The following RAB31 variants were observed in gnomAD, a reference collection of about 807,000 sequenced individuals.
RAB31 encodes RAB31, member RAS oncogene family, also known as ras-related protein Rab-31.
A neutral mutation model predicts 25.6 loss-of-function variants in RAB31; 21 were observed. The observed-to-expected ratio is 0.82, with a 90% CI of 0.58 to 1.18. The LOEUF (loss-of-function observed/expected upper bound fraction) is 1.18, where lower values mean the gene tolerates loss of function less well. RAB31 is among the 50% of genes most tolerant of loss of function. RAB31 has a pLI of 0.00. For synonymous variants in RAB31, 87 were observed against 84.0 expected (o/e 1.04, Z -0.20); for missense variants, 196 against 250.1 (o/e 0.78, Z 1.46).
chr18:9,785,612 C>G (rs2068427770), intron 2 of RAB31, among the ~76,000 whole-genome samples: 1 of 152,170 alleles, frequency 6.6e-6, no homozygotes, highest in African/African-American at 2.4e-5. Flanking sequence ...AGGCAGGACT[C>G]TAATCTGATC....
intron 3 of RAB31, among the ~76,000 whole-genome samples, 151 bp downstream of exon 3, chr18:9,792,386 C>T (rs1042602677): frequency 2.0e-5 from 3 of 152,162 alleles, no homozygotes; most frequent in African/African-American, 7.2e-5. Context: ...TACTCATTAG[C>T]TATGTGAAAA....
At chr18:9,745,224 G>A (rs1599021495) in intron 1 of RAB31, among the ~76,000 whole-genome samples, 1 of 152,162 alleles carries the variant, frequency 6.6e-6, no homozygotes, top group African/African-American at 2.4e-5. Context: ...CAAATTCCTA[G>A]ACACACAAAA....
rs72955254 is a variant in RAB31 at position 9,772,607 on chromosome 18, A to T, written c.40-2671A>T. 4.5e-3 allele frequency among the ~76,000 whole-genome samples: 686 copies of T among 152,354 alleles called. 6 individuals are homozygous for T. Among genetic ancestry groups the T allele is most frequent in the Non-Finnish European group, 8.2e-3 (560 of 68,028 alleles). On this transcript the variant is annotated intron_variant, in intron 1 of 6. Transcript: ENST00000578921. The stretch of plus-strand genomic sequence containing the variant: ...GGGCGAGTGAAGAATGAGTGAATGA[A>T]CGATTGAATGGAATAGCCCTGAGAA...
chr18:9,846,160 C>G (rs2068760789), intron 6 of RAB31, among the ~76,000 whole-genome samples: 1 of 152,136 alleles, frequency 6.6e-6, no homozygotes, highest in African/African-American at 2.4e-5. Context: ...GAATTGGATA[C>G]AGGGTTGGCG....
chr18:9,747,612 G>A (rs535617379), intron 1 of RAB31, among the ~76,000 whole-genome samples: 1 of 152,274 alleles, frequency 6.6e-6, no homozygotes, highest in South Asian at 2.1e-4. Context: ...AGACACAAAA[G>A]GTCACATATT....
chr18:9,728,988 C>T (rs767612579), intron 1 of RAB31, among the ~76,000 whole-genome samples: 1 of 152,104 alleles, frequency 6.6e-6, no homozygotes, highest in Non-Finnish European at 1.5e-5. Context: ...CCCTTCACAT[C>T]GTTTACCCAT....
At chr18:9,814,735 G>A in intron 4 of RAB31, 1 of 171,426 alleles carries the variant, frequency 5.8e-6, no homozygotes, top group Non-Finnish European at 1.2e-5. Context: ...ACAATTGTGA[G>A]TGAAGGGCCA....
intron 1 of RAB31, among the ~76,000 whole-genome samples, chr18:9,751,357 A>G (rs2068234234): frequency 1.3e-5 from 2 of 152,210 alleles, no homozygotes; most frequent in African/African-American, 2.4e-5. Context: ...GAATGTAAAA[A>G]CAAACATTTT....
In RAB31 at chr18:9,815,032, A is replaced by T. The variant is rs533442862; in HGVS notation, c.274-84A>T. On this transcript the variant is annotated intron_variant, in intron 4 of 6. Coordinates refer to ENST00000578921, the MANE Select transcript of RAB31 (RefSeq NM_006868.4). ...CTCCTAAAAATATTTTTCTCCATTA[A>T]ATTGTACTGGGCTTGTATTTCTGCT... 4.9e-5 allele frequency: 49 copies of T among 998,428 alleles called. 1 individual carries two copies. The South Asian group carries it at 7.3e-4, about 15-fold the overall frequency. 61.8% of individuals were successfully genotyped at this position (998,428 alleles called of 1,614,324 possible).
rs1212535715 is a variant in RAB31 at position 9,860,366 on chromosome 18, A to G, written c.*1041A>G. The stretch of plus-strand genomic sequence containing the variant: ...ACCCCAAAAAACTACAAAATCAGAA[A>G]AAGTATTTTTATGTTTCTAGCTTGA... On this transcript the variant is annotated 3_prime_UTR_variant, in exon 7 of 7. Transcript: ENST00000578921. 6.6e-6 allele frequency: 1 copy of G among 152,196 alleles called. No individual in the cohort carries two copies. The highest frequency in any genetic ancestry group is 1.5e-5 in the Non-Finnish European group (1 of 68,034). 9.4% of individuals were successfully genotyped at this position (152,196 alleles called of 1,614,324 possible).
intron 1 of RAB31, among the ~76,000 whole-genome samples, chr18:9,719,301 ATATAT>A (rs2068061517): frequency 8.4e-5 from 2 of 23,708 alleles, no homozygotes; most frequent in African/African-American, 1.1e-4. Flanking sequence ...AAAAAAAAAT[ATATAT>A]ATATATATAT....
At chr18:9,754,024 A>C (rs111469251) in intron 1 of RAB31, among the ~76,000 whole-genome samples, 1,566 of 152,296 alleles carry the variant, frequency 0.01, 12 homozygotes, top group Middle Eastern at 0.044. Flanking sequence ...CACTGGGCAT[A>C]AGTAGTCCCA....
At chr18:9,776,192 T>A (rs756577404) in intron 2 of RAB31, among the ~76,000 whole-genome samples, 2 of 152,222 alleles carry the variant, frequency 1.3e-5, no homozygotes, top group Non-Finnish European at 2.9e-5. Context: ...AAAATTGTTT[T>A]CCTGTTCATC....
intron 1 of RAB31, among the ~76,000 whole-genome samples, chr18:9,765,881 G>T (rs959805718): frequency 2.6e-4 from 39 of 147,918 alleles, no homozygotes; most frequent in African/African-American, 8.9e-4. Context: ...CGAGACTCTT[G>T]TTGGGTATAT....
In RAB31 at chr18:9,766,354, G is replaced by T. The variant is rs2068316033; in HGVS notation, c.40-8924G>T. Among the ~76,000 whole-genome samples the T allele has an allele frequency of 6.6e-6, 1 of 152,224 alleles. No homozygotes were observed. Among genetic ancestry groups the T allele is most frequent in the African/African-American group, 2.4e-5 (1 of 41,464 alleles). On this transcript the variant is annotated intron_variant, in intron 1 of 6. Coordinates refer to ENST00000578921, the MANE Select transcript of RAB31 (RefSeq NM_006868.4). This position sits in a 1 kb window ranked among gnomAD's most constrained non-coding sequence, Gnocchi z 4.3. ...CGGAGTGGGTGAGCCAGGCAAGCGT[G>T]GCACTGCCCTCATTACTATGCACTG... is the stretch of plus-strand genomic sequence containing the variant.
chr18:9,858,649 A>T (rs2068831199), intron 6 of RAB31, among the ~76,000 whole-genome samples: 1 of 152,254 alleles, frequency 6.6e-6, no homozygotes. Flanking sequence ...ATGACATTAA[A>T]ATACTGTTTC....
chr18:9,859,437 A>G lies in RAB31; in HGVS notation c.*112A>G, dbSNP rs2068836357. 9 of 880,428 alleles carry G rather than the reference A, an allele frequency of 1.0e-5. No homozygotes were observed. The highest frequency in any genetic ancestry group is 3.4e-5 in the African/African-American group (2 of 58,558). 54.5% of individuals were successfully genotyped at this position (880,428 alleles called of 1,614,324 possible). ...ACCTCACTTTGAGAAGAGTGAGCAC[A>G]CTGGCTTTGCATCCTGGAAGACCTG... On this transcript the variant is annotated 3_prime_UTR_variant, in exon 7 of 7. Transcript: ENST00000578921.
Position 9,861,229 on chromosome 18 carries a change from G to A in RAB31, c.*1904G>A, listed in dbSNP as rs2068845959. The stretch of plus-strand genomic sequence containing the variant: ...AACCTGGGTTTATCTCTAGATAGCT[G>A]TTCAGGTTTTTTAGCTGAGGGGTAA... On this transcript the variant is annotated 3_prime_UTR_variant, in exon 7 of 7. Transcript: ENST00000578921. The A allele has an allele frequency of 6.6e-6, 1 of 151,960 alleles. No individual in the cohort carries two copies. The highest frequency in any genetic ancestry group is 2.1e-4 in the South Asian group (1 of 4,828). The allele number at this position is 151,960 out of a possible 1,614,324, so 9.4% of individuals were successfully genotyped here. A position where few individuals can be genotyped will look rare whatever the true frequency, so the allele number is the denominator to read the frequency against.
intron 1 of RAB31, among the ~76,000 whole-genome samples, chr18:9,744,634 T>A (rs796319340): frequency 2.6e-5 from 4 of 152,260 alleles, no homozygotes; most frequent in African/African-American, 9.6e-5. Flanking sequence ...CAAGAGGAAC[T>A]TGGATGCAAA....
Sources: allele counts gnomAD v4.1 joint callset (sites outside exome capture counted in the v4.1 genomes callset), GRCh38; gene constraint gnomAD v4.1.1; non-coding constraint Gnocchi (gnomAD v3.1); transcripts MANE v1.5; gene names NCBI Gene and HGNC (gene_info 2026-07-23, HGNC 2026-07-21).